DGCR2: variants seen among roughly 807,000 people sequenced by gnomAD.
The protein encoded by DGCR2 is integral membrane protein DGCR2/IDD.
In DGCR2, 24 loss-of-function variants were observed where a neutral mutation model predicts 51.6. The ratio of observed to expected loss-of-function variants is 0.47; its 90% CI spans 0.34 to 0.65. DGCR2 has a LOEUF of 0.65. Among genes scored for constraint, DGCR2 ranks in the 30% least tolerant of loss-of-function variants. The pLI is 0.01. For synonymous variants in DGCR2, 340 were observed against 315.4 expected, an observed-to-expected ratio of 1.08 and a Z score of -0.82; for missense variants, 765 against 772.1, an observed-to-expected ratio of 0.99 and a Z score of 0.11.
chr22:19,059,216 AC>A (rs2082634450), intron 5 of DGCR2, among the ~76,000 whole-genome samples: 5 of 151,846 alleles, frequency 3.3e-5, no homozygotes, highest in African/African-American at 1.2e-4. Context: ...GGTGAAAAGG[AC>A]CCCCAGCAGC....
intron 1 of DGCR2, among the ~76,000 whole-genome samples, chr22:19,110,347 G>A (rs1380030463): frequency 6.6e-6 from 1 of 152,138 alleles, no homozygotes; most frequent in Admixed American, 6.5e-5. Context: ...CAGCTTCCTG[G>A]GGGCATTTGT....
rs1454701873 is a variant in DGCR2, at chr22:19,054,111, T to C, written c.802+2875A>G. On this transcript the variant is annotated intron_variant, in intron 6 of 9. Transcript: ENST00000263196. ...ATATTATTGGAACGACTGATAAAAC[T>C]GGAATAATGGATTGTGGATTACTGT... 2.0e-5 allele frequency among the ~76,000 whole-genome samples: 3 copies of C among 152,326 alleles called. No homozygotes were observed. In the South Asian group the frequency reaches 6.2e-4, roughly 32 times the overall value.
At chr22:19,072,057 G>A (rs1392312646) in intron 2 of DGCR2, among the ~76,000 whole-genome samples, 2 of 152,202 alleles carry the variant, frequency 1.3e-5, no homozygotes, top group African/African-American at 4.8e-5. Context: ...GCAGGGACAA[G>A]GCAGGTGGAC....
intron 2 of DGCR2, among the ~76,000 whole-genome samples, chr22:19,081,550 T>A (rs140704893): frequency 2.6e-5 from 4 of 152,318 alleles, no homozygotes; most frequent in African/African-American, 9.6e-5. Flanking sequence ...TTCCAAGACA[T>A]GTATCAATGG....
intron 1 of DGCR2, among the ~76,000 whole-genome samples, chr22:19,121,175 G>A (rs578019901): frequency 9.2e-5 from 14 of 152,276 alleles, no homozygotes; most frequent in African/African-American, 3.1e-4. Flanking sequence ...GCCTTCATGG[G>A]ACCTTTCCTC....
chr22:19,108,569 TAAAAAAAAAA>T (rs55803042), intron 1 of DGCR2, among the ~76,000 whole-genome samples: 23 of 90,776 alleles, frequency 2.5e-4, no homozygotes, highest in South Asian at 2.2e-3. Context: ...AGAATTTATC[TAAAAAAAAAA>T]AAAAAAAAAA....
In DGCR2 at chr22:19,067,738, G is replaced by A. The variant is rs562144280; in HGVS notation, c.328+362C>T. On this transcript the variant is annotated intron_variant, in intron 3 of 9. Transcript: ENST00000263196. The stretch of plus-strand genomic sequence containing the variant: ...TAAATAAATAAATAAATAAGGAGTC[G>A]AGCCTTCCCATTTTATTGCTGTATC... Among the ~76,000 whole-genome samples, 11 of 151,230 alleles carry A rather than the reference G, an allele frequency of 7.3e-5. No individual in the cohort carries two copies. The South Asian group carries it at 1.0e-3, about 14-fold the overall frequency.
chr22:19,041,606 G>T, intron 8 of DGCR2: 1 of 659,134 alleles, frequency 1.5e-6, no homozygotes, highest in South Asian at 2.0e-5. Flanking sequence ...TCCGAGTTCT[G>T]CCCACCCTGT....
intron 1 of DGCR2, among the ~76,000 whole-genome samples, chr22:19,118,726 A>AT (rs1259427263): frequency 6.6e-6 from 1 of 152,204 alleles, no homozygotes; most frequent in Admixed American, 6.5e-5. Context: ...TCAGAAGGCA[A>AT]TTTTTTCTCA....
intron 5 of DGCR2, among the ~76,000 whole-genome samples, chr22:19,058,599 G>A (rs1403833228): frequency 6.6e-6 from 1 of 152,072 alleles, no homozygotes; most frequent in Non-Finnish European, 1.5e-5. Context: ...TTCTTGTCCC[G>A]TGGCAAGAAA....
chr22:19,054,226 T>TA (rs1296289272), intron 6 of DGCR2, among the ~76,000 whole-genome samples: 1 of 141,418 alleles, frequency 7.1e-6, no homozygotes, highest in African/African-American at 2.8e-5. Flanking sequence ...AAATACACAC[T>TA]GAAGTATAAA....
At chr22:19,056,558 A>T in intron 6 of DGCR2, 1 of 357,226 alleles carries the variant, frequency 2.8e-6, no homozygotes, top group South Asian at 3.8e-5. Context: ...CTTTAATAAA[A>T]AAAAAAAAAC....
chr22:19,097,868 T>C (rs2083159215), intron 1 of DGCR2, among the ~76,000 whole-genome samples: 2 of 151,998 alleles, frequency 1.3e-5, no homozygotes, highest in South Asian at 4.2e-4. Flanking sequence ...TGAAGTTCTG[T>C]GCACCCTGAG....
rs771474151 is a variant in DGCR2, at chr22:19,068,148, G to T, written c.280C>A (p.Pro94Thr). 7.5e-6 allele frequency: 12 copies of T among 1,610,554 alleles called. No homozygotes were observed. In the Admixed American group the frequency reaches 2.0e-4, roughly 27 times the overall value. Residue 94 changes from proline (P) to threonine (T), a missense_variant, in exon 3 of 10, where the codon CCT becomes ACT. Coordinates refer to ENST00000263196, the MANE Select transcript of DGCR2 (RefSeq NM_005137.3). ...PRQGRARGGD[P>T]SHFHAVNVAQ... ...ACGTTCACCGCGTGGAAGTGCGAAG[G>T]GTCGCCTCCTCTGGCCCGCCCCTGC...
chr22:19,099,843 T>A (rs893415781), intron 1 of DGCR2, among the ~76,000 whole-genome samples: 1 of 151,984 alleles, frequency 6.6e-6, no homozygotes, highest in Non-Finnish European at 1.5e-5. Context: ...TGGTGGCACA[T>A]GTCTGTAATC....
At chr22:19,064,653 C>T (rs1037078742) in intron 4 of DGCR2, among the ~76,000 whole-genome samples, 195 bp downstream of exon 4, 7 of 152,344 alleles carry the variant, frequency 4.6e-5, no homozygotes, top group African/African-American at 1.4e-4. Flanking sequence ...CCTGCCCCTG[C>T]TCCCAGGACC....
At chr22:19,111,838 T>A (rs111767872) in intron 1 of DGCR2, among the ~76,000 whole-genome samples, 4 of 135,764 alleles carry the variant, frequency 2.9e-5, no homozygotes, top group Non-Finnish European at 6.2e-5. Context: ...AACTCTTTTT[T>A]GTTTTTATTT....
At position 19,122,229 on chromosome 22, in the gene DGCR2, G is replaced by T; in HGVS notation, c.-23C>A. The stretch of plus-strand genomic sequence containing the variant: ...CATTTATCCTCCGTTCATCGTCCCC[G>T]GGGCGGCTGGAAGGCCGGACCAGGC... On this transcript the variant is annotated 5_prime_UTR_variant, in exon 1 of 10. Coordinates refer to ENST00000263196, the MANE Select transcript of DGCR2 (RefSeq NM_005137.3). 2.0e-6 allele frequency: 3 copies of T among 1,477,168 alleles called. No individual in the cohort carries two copies. The highest frequency in any genetic ancestry group is 1.8e-6 in the Non-Finnish European group (2 of 1,108,126). The allele number at this position is 1,477,168 out of a possible 1,614,324, so 91.5% of individuals were successfully genotyped here.
At position 19,038,889 on chromosome 22, in the gene DGCR2, G is replaced by A; in HGVS notation, c.1629C>T (p.Arg543=). Residue 543 remains arginine, a synonymous_variant, in exon 10 of 10, where the codon CGC becomes CGT. Coordinates refer to ENST00000263196, the MANE Select transcript of DGCR2 (RefSeq NM_005137.3). ...TCTACACCACAGTATTGAGGGAGCT[G>A]CGGCTGTGGCGGCCACCCCCTGGCA... ...EALPGGGRHS[R]SSLNTVV The A allele has an allele frequency of 1.2e-6, 2 of 1,612,930 alleles. No homozygotes were observed. Among genetic ancestry groups the A allele is most frequent in the Admixed American group, 3.3e-5 (2 of 59,998 alleles).
Sources: allele counts gnomAD v4.1 joint callset (sites outside exome capture counted in the v4.1 genomes callset), GRCh38; gene constraint gnomAD v4.1.1; transcripts MANE v1.5; gene names NCBI Gene and HGNC (gene_info 2026-07-23, HGNC 2026-07-21).